SEC61A1: variants seen among roughly 807,000 people sequenced by gnomAD.
SEC61A1 encodes SEC61 translocon subunit alpha 1.
Under a neutral mutation model 55.2 loss-of-function variants are expected in SEC61A1, and 15 were observed. The observed-to-expected ratio is 0.27, with a 90% CI of 0.18 to 0.42. SEC61A1 has a LOEUF of 0.42. Ranked by LOEUF, SEC61A1 falls within the 10% of genes least tolerant of loss-of-function variation. The pLI, the probability that SEC61A1 is intolerant of heterozygous loss-of-function variation, is 1.00. For synonymous variants in SEC61A1, 247 were observed against 234.0 expected (o/e 1.06, Z -0.51); for missense variants, 284 against 602.6 (o/e 0.47, Z 5.53).
intron 8 of SEC61A1, among the ~76,000 whole-genome samples, chr3:128,065,533 T>A (rs1372286774): frequency 6.6e-6 from 1 of 152,122 alleles, no homozygotes; most frequent in African/African-American, 2.4e-5. Flanking sequence ...ATCTTTGTAT[T>A]TTTTGATGGT....
At chr3:128,062,257 T>C (rs947879248) in intron 7 of SEC61A1, among the ~76,000 whole-genome samples, 3 of 151,644 alleles carry the variant, frequency 2.0e-5, no homozygotes, top group Non-Finnish European at 4.4e-5. Flanking sequence ...GGGCAGTGAG[T>C]GGTGCTAGAG....
chr3:128,051,870 C>T, upstream of SEC61A1: 3 of 1,536,034 alleles, frequency 2.0e-6, no homozygotes, highest in Non-Finnish European at 2.6e-6. Context: ...CCACGACAAG[C>T]CTCCGGGTTT....
intron 7 of SEC61A1, among the ~76,000 whole-genome samples, chr3:128,062,881 C>T (rs1490253442): frequency 6.6e-6 from 1 of 152,226 alleles, no homozygotes; most frequent in Non-Finnish European, 1.5e-5. Flanking sequence ...GGAGATGTCA[C>T]ACCTGCAGCA....
In SEC61A1 at chr3:128,060,627, G is replaced by A; in HGVS notation, c.582G>A (p.Lys194=). Residue 194 remains lysine (K), a synonymous_variant, in exon 7 of 12, where the codon AAG becomes AAA. Transcript: ENST00000243253. ...ACATCTGTGAAACCATCGTATGGAA[G>A]GCATTCAGCCCCACTACTGTCAACA... ...ATNICETIVW[K]AFSPTTVNTG... 6.2e-7 allele frequency: 1 copy of A among 1,614,166 alleles called. No individual in the cohort carries two copies.
chr3:128,064,713 AAG>A, intron 7 of SEC61A1, 162 bp from the exon 8 acceptor site: 1 of 617,020 alleles, frequency 1.6e-6, no homozygotes, highest in South Asian at 2.1e-5. Context: ...TACAGAAGAG[AAG>A]GGAGGGATGA....
At chr3:128,068,559 G>A (rs1261964552) in intron 11 of SEC61A1, 1 of 158,908 alleles carries the variant, frequency 6.3e-6, no homozygotes, top group South Asian at 1.8e-4. Context: ...CAGAAGGGAT[G>A]GAGCCTGCAG....
rs774374024 is a variant in SEC61A1 at position 128,060,096 on chromosome 3, T to A, written c.353-6T>A. On this transcript the variant is annotated splice_region_variant and splice_polypyrimidine_tract_variant and intron_variant, in intron 5 of 11. Transcript: ENST00000243253. ...CTTGGAAAACACTTCTTTCTTTCAA[T>A]TCTAGTATTTGGCATGATCATTACT... 6.2e-7 allele frequency: 1 copy of A among 1,604,056 alleles called. No homozygotes were observed. Among genetic ancestry groups the A allele is most frequent in the East Asian group, 2.2e-5 (1 of 44,846 alleles).
chr3:128,064,723 T>G, intron 7 of SEC61A1, 154 bp from the exon 8 acceptor site: 4 of 624,540 alleles, frequency 6.4e-6, no homozygotes, highest in East Asian at 5.5e-5. Flanking sequence ...AAGGGAGGGA[T>G]GAGAATAATA....
At chr3:128,052,627 GT>G in intron 1 of SEC61A1, 68 bp downstream of exon 1, 1 of 1,556,552 alleles carries the variant, frequency 6.4e-7, no homozygotes, top group Non-Finnish European at 8.7e-7. Flanking sequence ...CACCCGTGCG[GT>G]CGGGCGCCCG....
Position 128,055,656 on chromosome 3 carries a change from T to C in SEC61A1, c.142-17T>C, listed in dbSNP as rs772724746. 1.9e-6 allele frequency: 3 copies of C among 1,613,368 alleles called. No homozygotes were observed. Among genetic ancestry groups the C allele is most frequent in the South Asian group, 1.1e-5 (1 of 91,080 alleles). Reference sequence around the variant, plus strand: ...GAAACAGGAGTGCTGACTGTTTTGCTCTTTGCCTGTTCCCAGATTCCCCTG... The same window carrying C: ...GAAACAGGAGTGCTGACTGTTTTGCCCTTTGCCTGTTCCCAGATTCCCCTG... On this transcript the variant is annotated splice_polypyrimidine_tract_variant and intron_variant, in intron 3 of 11. Coordinates refer to ENST00000243253, the MANE Select transcript of SEC61A1 (RefSeq NM_013336.4).
In SEC61A1 at chr3:128,067,399, C is replaced by T. The variant is rs558238571; in HGVS notation, c.976-22C>T. ...AGTAAAATGAAGGAGCACTCACATG[C>T]GTTTGGTTTCTTCTTCCCCAGGACA... On this transcript the variant is annotated intron_variant, in intron 9 of 11. Transcript: ENST00000243253. The surrounding 1 kb of genome is among the most constrained non-coding windows in gnomAD (Gnocchi z 4.1). 5.6e-6 allele frequency: 9 copies of T among 1,599,838 alleles called. No individual in the cohort carries two copies. Among genetic ancestry groups the T allele is most frequent in the South Asian group, 4.5e-5 (4 of 89,112 alleles).
At chr3:128,065,419 C>T (rs2075402) in intron 8 of SEC61A1, among the ~76,000 whole-genome samples, 73,577 of 152,050 alleles carry the variant, frequency 0.48, 19,234 homozygotes, top group Non-Finnish European at 0.6. Flanking sequence ...ATCTCGGAAA[C>T]GGCCTATCTT....
intron 5 of SEC61A1, among the ~76,000 whole-genome samples, chr3:128,059,858 C>T (rs868845092): frequency 2.6e-5 from 4 of 152,152 alleles, no homozygotes; most frequent in Non-Finnish European, 5.9e-5. Flanking sequence ...GACTAAAAAG[C>T]AAGTGAATCT....
Position 128,055,880 on chromosome 3 carries a change from A to C in SEC61A1, c.220+129A>C, listed in dbSNP as rs55662362. The C allele has an allele frequency of 0.24, 176,027 of 747,794 alleles. 21,813 individuals are homozygous for C. The highest frequency in any genetic ancestry group is 0.28 in the African/African-American group (16,304 of 57,530). The allele number at this position is 747,794 out of a possible 1,614,324, so 46.3% of individuals were successfully genotyped here. A position where few individuals can be genotyped will look rare whatever the true frequency, so the allele number is the denominator to read the frequency against. On this transcript the variant is annotated intron_variant, in intron 4 of 11. Transcript: ENST00000243253. Reference sequence around the variant, plus strand: ...TGGAAAATAGAGTGAAGAATGTTAAAGTGCTGTGTTGAATAGCCTTATTAA... The same window carrying C: ...TGGAAAATAGAGTGAAGAATGTTAACGTGCTGTGTTGAATAGCCTTATTAA...
rs1941848163 is a variant in SEC61A1 at position 128,061,335 on chromosome 3, C to T, written c.616+674C>T. On this transcript the variant is annotated intron_variant, in intron 7 of 11. Coordinates refer to ENST00000243253, the MANE Select transcript of SEC61A1 (RefSeq NM_013336.4). The stretch of plus-strand genomic sequence containing the variant: ...TACATCCACCAAGTGCCGTGGAAAT[C>T]TTGTAACAGCATGTTTTTAATAAAA... Among the ~76,000 whole-genome samples, 3 of 152,190 alleles carry T rather than the reference C, an allele frequency of 2.0e-5. No individual in the cohort carries two copies. In the South Asian group the frequency reaches 6.2e-4, roughly 32 times the overall value.
At chr3:128,055,837 G>A (rs920213693) in intron 4 of SEC61A1, 86 bp downstream of exon 4, 2 of 1,067,838 alleles carry the variant, frequency 1.9e-6, no homozygotes, top group Non-Finnish European at 2.8e-6. Flanking sequence ...GGCTTTATAT[G>A]GAACTTAGAG....
At chr3:128,052,778 C>T (rs369460235) in intron 1 of SEC61A1, 57 bp from the exon 2 acceptor site, 186 of 1,552,336 alleles carry the variant, frequency 1.2e-4, no homozygotes, top group Non-Finnish European at 1.6e-4. Flanking sequence ...CCCTGGGTAG[C>T]GCGGAAGGTT....
chr3:128,067,304 A>G lies in SEC61A1; in HGVS notation c.976-117A>G. Reference sequence around the variant, plus strand: ...ATTAAATTATCTTTTCAGTAAAAAAATTGTACTGTGGGCACCGAGTAAAAT... The same window carrying G: ...ATTAAATTATCTTTTCAGTAAAAAAGTTGTACTGTGGGCACCGAGTAAAAT... On this transcript the variant is annotated intron_variant, in intron 9 of 11. Transcript: ENST00000243253. The surrounding 1 kb of genome is among the most constrained non-coding windows in gnomAD (Gnocchi z 4.1). 2 of 1,315,992 alleles carry G rather than the reference A, an allele frequency of 1.5e-6. No individual in the cohort carries two copies. The highest frequency in any genetic ancestry group is 2.1e-6 in the Non-Finnish European group (2 of 946,464). The allele number at this position is 1,315,992 out of a possible 1,614,324, so 81.5% of individuals were successfully genotyped here.
chr3:128,055,418 G>C, intron 2 of SEC61A1, 98 bp from the exon 3 acceptor site: 1 of 928,260 alleles, frequency 1.1e-6, no homozygotes, highest in South Asian at 1.3e-5. Flanking sequence ...AGTCTGGTTG[G>C]AGTCCATTTT....
Sources: gnomAD v4.1 joint callset for allele counts (sites outside exome capture counted in the v4.1 genomes callset) on GRCh38, gnomAD v4.1.1 for gene constraint, Gnocchi (gnomAD v3.1) non-coding constraint, MANE v1.5 for transcripts, NCBI Gene and HGNC (gene_info 2026-07-23, HGNC 2026-07-21) for gene names.